SAMD4A: variants seen among roughly 807,000 people sequenced by gnomAD.
SAMD4A encodes the protein sterile alpha motif domain containing 4A, also known as protein Smaug homolog 1.
SAMD4A carries 33 observed loss-of-function variants against 81.3 expected under a neutral mutation model. The ratio of observed to expected loss-of-function variants is 0.41; its 90% CI spans 0.31 to 0.54. SAMD4A has a LOEUF of 0.54. Ranked by LOEUF, SAMD4A falls within the 20% of genes least tolerant of loss-of-function variation. SAMD4A has a pLI of 0.37. For synonymous variants in SAMD4A, 389 were observed against 382.1 expected, an observed-to-expected ratio of 1.02 and a Z score of -0.21; for missense variants, 854 against 951.1, an observed-to-expected ratio of 0.90 and a Z score of 1.34.
At chr14:54,616,239 C>T (rs1007545671) in intron 2 of SAMD4A, among the ~76,000 whole-genome samples, 5 of 152,196 alleles carry the variant, frequency 3.3e-5, no homozygotes, top group African/African-American at 1.2e-4. Flanking sequence ...AACTATTCAG[C>T]GTTAACCCCA....
intron 2 of SAMD4A, among the ~76,000 whole-genome samples, chr14:54,676,406 T>C (rs1005366812): frequency 2.0e-5 from 3 of 152,228 alleles, no homozygotes; most frequent in African/African-American, 7.2e-5. Flanking sequence ...AGAGTCTTGC[T>C]CTATCACCCA....
chr14:54,717,928 G>T (rs2037163236), intron 3 of SAMD4A, among the ~76,000 whole-genome samples: 1 of 148,110 alleles, frequency 6.8e-6, no homozygotes, highest in Non-Finnish European at 1.5e-5. Context: ...TTGTGAAAGA[G>T]AATTTAAAGC....
In SAMD4A at chr14:54,790,829, C is replaced by T. The variant is rs1181382422; in HGVS notation, c.*1885C>T. On this transcript the variant is annotated 3_prime_UTR_variant, in exon 13 of 13. Transcript: ENST00000554335. ...ATGAAATCCGAACAATTTTCTTTTA[C>T]TTTCAAGATCAAAAACATGCACCCA... 1 of 151,922 alleles carries T rather than the reference C, an allele frequency of 6.6e-6. No homozygotes were observed. The highest frequency in any genetic ancestry group is 1.5e-5 in the Non-Finnish European group (1 of 67,960). 9.4% of individuals were successfully genotyped at this position (151,922 alleles called of 1,614,324 possible). A position where few individuals can be genotyped will look rare whatever the true frequency, so the allele number is the denominator to read the frequency against.
chr14:54,566,819 C>G (rs1488316226), upstream of SAMD4A, among the ~76,000 whole-genome samples: 1 of 152,048 alleles, frequency 6.6e-6, no homozygotes, highest in African/African-American at 2.4e-5. Flanking sequence ...GGGAGACCTC[C>G]CGGGTGGGCT....
At chr14:54,727,374 G>A (rs1015138979) in intron 3 of SAMD4A, among the ~76,000 whole-genome samples, 2 of 151,488 alleles carry the variant, frequency 1.3e-5, no homozygotes, top group Non-Finnish European at 2.9e-5. Context: ...ATTTTTAGTA[G>A]AGACAGGGTT....
chr14:54,735,160 G>GTCTGGCTT (rs1215338048), intron 3 of SAMD4A: 1 of 151,652 alleles, frequency 6.6e-6, no homozygotes, highest in African/African-American at 2.4e-5. Context: ...TTTTCTGGAT[G>GTCTGGCTT]TCTGGCTTTT....
At chr14:54,780,958 C>A (rs1399995388) in intron 11 of SAMD4A, among the ~76,000 whole-genome samples, 1 of 152,012 alleles carries the variant, frequency 6.6e-6, no homozygotes, top group African/African-American at 2.4e-5. Flanking sequence ...CCTTTTGTTA[C>A]CATCCTCCCC....
chr14:54,578,695 G>A (rs988165975), intron 2 of SAMD4A, among the ~76,000 whole-genome samples: 1 of 152,138 alleles, frequency 6.6e-6, no homozygotes, highest in Non-Finnish European at 1.5e-5. Flanking sequence ...CTGGGTGACA[G>A]AGCGAGACTC....
chr14:54,617,509 A>G (rs970457599), intron 2 of SAMD4A, among the ~76,000 whole-genome samples: 1 of 152,052 alleles, frequency 6.6e-6, no homozygotes, highest in Non-Finnish European at 1.5e-5. Flanking sequence ...CAAGGAAGAC[A>G]TTTTAAGTTG....
At chr14:54,728,833 C>G (rs2037489254) in intron 3 of SAMD4A, among the ~76,000 whole-genome samples, 1 of 152,154 alleles carries the variant, frequency 6.6e-6, no homozygotes, top group African/African-American at 2.4e-5. Flanking sequence ...CCTAGTCATG[C>G]ATGTGGCTGC....
intron 2 of SAMD4A, among the ~76,000 whole-genome samples, chr14:54,638,846 C>T (rs563712497): frequency 1.6e-4 from 24 of 152,220 alleles, no homozygotes; most frequent in African/African-American, 4.1e-4. Flanking sequence ...CAATGTATAC[C>T]GATGTTCTAA....
chr14:54,639,259 C>T (rs981276474), intron 2 of SAMD4A, among the ~76,000 whole-genome samples: 6 of 152,208 alleles, frequency 3.9e-5, no homozygotes, highest in East Asian at 3.8e-4. Context: ...ACGAAATAAC[C>T]GGCAGCTGTT....
chr14:54,567,683 G>C lies in SAMD4A; in HGVS notation c.-234G>C. The C allele has an allele frequency of 1.4e-5, 6 of 440,260 alleles. No homozygotes were observed. The highest frequency in any genetic ancestry group is 2.0e-5 in the Non-Finnish European group (5 of 246,920). The allele number at this position is 440,260 out of a possible 1,614,324, so 27.3% of individuals were successfully genotyped here. ...TTTTTTTTTTTAAAGAAACATTTCC[G>C]TGCTACTGTCTGTCATCGTCTCTGG... On this transcript the variant is annotated 5_prime_UTR_variant, in exon 2 of 13. Coordinates refer to ENST00000554335, the MANE Select transcript of SAMD4A (RefSeq NM_015589.6).
At chr14:54,735,702 G>A (rs2037674929) in intron 3 of SAMD4A, among the ~76,000 whole-genome samples, 1 of 152,206 alleles carries the variant, frequency 6.6e-6, no homozygotes, top group South Asian at 2.1e-4. Flanking sequence ...GAAACATCCA[G>A]CCTTTTGACT....
chr14:54,743,625 GAGA>G (rs147562412), intron 4 of SAMD4A, among the ~76,000 whole-genome samples: 8,888 of 152,294 alleles, frequency 0.058, 441 homozygotes, highest in South Asian at 0.18. Context: ...AAACTGCGGG[GAGA>G]AGGTTAGGCC....
chr14:54,768,218 G>C (rs189956653), intron 8 of SAMD4A, among the ~76,000 whole-genome samples: 41 of 152,286 alleles, frequency 2.7e-4, no homozygotes, highest in African/African-American at 8.9e-4. Flanking sequence ...AATACTTAAC[G>C]CGATGAACAG....
In SAMD4A at chr14:54,776,506, T is replaced by C. The variant is rs751063230; in HGVS notation, c.2010T>C (p.Thr670=). 1.9e-6 allele frequency: 3 copies of C among 1,591,718 alleles called. No homozygotes were observed. The highest frequency in any genetic ancestry group is 4.7e-5 in the East Asian group (2 of 42,150). Residue 670 remains threonine (T), a synonymous_variant, in exon 11 of 13, where the codon ACT becomes ACC. Coordinates refer to ENST00000554335, the MANE Select transcript of SAMD4A (RefSeq NM_015589.6). The part of the protein sequence containing the change: ...VQRTRSLPVH[T]SPQNMLMFQQ... ...GGACCCGCTCGCTGCCCGTGCACAC[T>C]TCCCCACAGAACATGCTGATGTTCC...
intron 2 of SAMD4A, among the ~76,000 whole-genome samples, chr14:54,691,549 CAAAAAAAAAA>C (rs10610242): frequency 0.063 from 6,372 of 101,098 alleles, 234 homozygotes; most frequent in East Asian, 0.19. Flanking sequence ...CTTCCCTTCT[CAAAAAAAAAA>C]AAAAAAAAAA....
intron 12 of SAMD4A, among the ~76,000 whole-genome samples, chr14:54,784,863 C>A (rs929580340): frequency 2.0e-5 from 3 of 152,180 alleles, no homozygotes; most frequent in African/African-American, 7.2e-5. Flanking sequence ...AGGGACCTGG[C>A]AATCAAAGCT....
Sources: gnomAD v4.1 joint callset for allele counts (sites outside exome capture counted in the v4.1 genomes callset) on GRCh38, gnomAD v4.1.1 for gene constraint, MANE v1.5 for transcripts, NCBI Gene and HGNC (gene_info 2026-07-23, HGNC 2026-07-21) for gene names.